Variants in FRMD4A observed in about 807,000 individuals in gnomAD.
FRMD4A encodes the protein FERM domain-containing protein 4A.
FRMD4A carries 29 observed loss-of-function variants against 129.1 expected under a neutral mutation model. The observed-to-expected ratio is 0.22, with a 90% CI of 0.17 to 0.31. The LOEUF (loss-of-function observed/expected upper bound fraction) is 0.31. Among genes scored for constraint, FRMD4A ranks in the 10% least tolerant of loss-of-function variants. The pLI is 1.00. For missense variants in FRMD4A, 1,272 were observed against 1,375.8 expected (o/e 0.92, Z 1.19); for synonymous variants, 634 against 571.6 (o/e 1.11, Z -1.56).
intron 2 of FRMD4A, among the ~76,000 whole-genome samples, chr10:13,967,055 G>A (rs796490598): frequency 9.2e-5 from 14 of 152,280 alleles, no homozygotes; most frequent in African/African-American, 2.9e-4. Flanking sequence ...ATGACACAAC[G>A]GGCCGGGCGC....
chr10:13,928,583 T>C (rs907374414), intron 2 of FRMD4A, among the ~76,000 whole-genome samples: 3 of 152,204 alleles, frequency 2.0e-5, no homozygotes, highest in Non-Finnish European at 4.4e-5. Flanking sequence ...CTGCTCTGTT[T>C]CATTTCTTTT....
At chr10:14,024,913 A>T (rs1832918842) in intron 2 of FRMD4A, among the ~76,000 whole-genome samples, 2 of 152,234 alleles carry the variant, frequency 1.3e-5, no homozygotes, top group Admixed American at 1.3e-4. Context: ...GGCTAAACAC[A>T]CTGGAGTGTA....
chr10:13,850,205 T>C (rs558537739), intron 3 of FRMD4A, among the ~76,000 whole-genome samples: 75 of 151,468 alleles, frequency 5.0e-4, no homozygotes, highest in Non-Finnish European at 8.1e-4. Flanking sequence ...TGAGGCTCCA[T>C]CTCAAAAAAA....
intron 24 of FRMD4A, chr10:13,647,444 C>A (rs2081196682): frequency 6.6e-6 from 1 of 152,166 alleles, no homozygotes. Flanking sequence ...AAGCCAGAAC[C>A]TCTGGGCTTT....
chr10:13,959,912 C>T (rs924352844), intron 2 of FRMD4A, among the ~76,000 whole-genome samples: 6 of 152,182 alleles, frequency 3.9e-5, no homozygotes, highest in African/African-American at 9.7e-5. Flanking sequence ...GAACACGAAC[C>T]GCAGGTTATT....
At chr10:13,843,011 T>G (rs2130982096) in intron 3 of FRMD4A, among the ~76,000 whole-genome samples, 1 of 152,226 alleles carries the variant, frequency 6.6e-6, no homozygotes, top group African/African-American at 2.4e-5. Flanking sequence ...AATTTTCTGG[T>G]CTCTGAAATC....
chr10:14,064,058 AT>A (rs1241232289), intron 2 of FRMD4A, among the ~76,000 whole-genome samples: 1 of 152,196 alleles, frequency 6.6e-6, no homozygotes. Flanking sequence ...AAGGGTAAAG[AT>A]TTTGCAATCA....
chr10:14,130,579 T>C (rs1311606863), intron 2 of FRMD4A, among the ~76,000 whole-genome samples: 1 of 152,160 alleles, frequency 6.6e-6, no homozygotes, highest in Non-Finnish European at 1.5e-5. Context: ...GTTTCTTCTT[T>C]AGGATTTGTT....
intron 2 of FRMD4A, among the ~76,000 whole-genome samples, chr10:13,862,601 C>T (rs1039740917): frequency 1.3e-5 from 2 of 152,218 alleles, no homozygotes; most frequent in Non-Finnish European, 2.9e-5. Flanking sequence ...TATTTTAATG[C>T]CTCCCTGTAG....
chr10:14,195,527 G>T (rs1035368100), intron 2 of FRMD4A, among the ~76,000 whole-genome samples: 1 of 151,880 alleles, frequency 6.6e-6, no homozygotes, highest in Non-Finnish European at 1.5e-5. Flanking sequence ...TTTCCCTAAG[G>T]TTCCCATACT....
chr10:14,053,545 T>C (rs1244818710), intron 2 of FRMD4A, among the ~76,000 whole-genome samples: 2 of 152,200 alleles, frequency 1.3e-5, no homozygotes, highest in African/African-American at 2.4e-5. Flanking sequence ...ACCTTGCCCA[T>C]TTTCCCTTGC....
In FRMD4A at chr10:13,645,401, A is replaced by G. The variant is rs920437205; in HGVS notation, c.*1637T>C. 5 of 146,554 alleles carry G rather than the reference A, an allele frequency of 3.4e-5. No individual in the cohort carries two copies. The highest frequency in any genetic ancestry group is 1.3e-4 in the African/African-American group (5 of 39,044). 9.1% of individuals were successfully genotyped at this position (146,554 alleles called of 1,614,324 possible). ...ACCACTTGCGCCAAAAGCACAGCAT[A>G]CCACCTCTGCGGAAACCTTTTTGTG... On this transcript the variant is annotated 3_prime_UTR_variant, in exon 25 of 25. Coordinates refer to ENST00000357447, the MANE Select transcript of FRMD4A (RefSeq NM_018027.5).
chr10:13,980,108 A>G (rs1057386702), intron 2 of FRMD4A, among the ~76,000 whole-genome samples: 2 of 152,206 alleles, frequency 1.3e-5, no homozygotes, highest in Admixed American at 6.5e-5. Context: ...ATTTTGGCAA[A>G]CTAATGACTT....
chr10:14,009,561 G>A (rs568555094), intron 2 of FRMD4A, among the ~76,000 whole-genome samples: 3 of 152,262 alleles, frequency 2.0e-5, no homozygotes, highest in East Asian at 3.9e-4. Context: ...ATGGGGGTGG[G>A]GTGCGAAGGA....
At position 13,986,165 on chromosome 10, in the gene FRMD4A, G is replaced by T. The variant is rs185960467; in HGVS notation, c.46-127253C>A. Among the ~76,000 whole-genome samples, 112 of 152,270 alleles carry T rather than the reference G, an allele frequency of 7.4e-4. 1 individual carries two copies. Among genetic ancestry groups the T allele is most frequent in the African/African-American group, 2.6e-3 (107 of 41,546 alleles). On this transcript the variant is annotated intron_variant, in intron 2 of 24. Coordinates refer to ENST00000357447, the MANE Select transcript of FRMD4A (RefSeq NM_018027.5). ...TGGTCCCAGGGTGTCAGCCCTGGCT[G>T]CCCATGGGGGTCCCCTGGGAAGTTT...
intron 2 of FRMD4A, among the ~76,000 whole-genome samples, chr10:14,225,343 G>A (rs552120053): frequency 6.6e-6 from 1 of 152,282 alleles, no homozygotes; most frequent in African/African-American, 2.4e-5. Flanking sequence ...ACACCTAATG[G>A]ATTAAAGCAG....
rs187662785 is a variant in FRMD4A, at chr10:14,018,411, G to A, written c.46-159499C>T. On this transcript the variant is annotated intron_variant, in intron 2 of 24. Coordinates refer to ENST00000357447, the MANE Select transcript of FRMD4A (RefSeq NM_018027.5). ...GCAGAGGTTGCAGTGAGCCGAGGTC[G>A]TGCCACTGCACTCCAGCCTGGGCGA... Among the ~76,000 whole-genome samples the A allele has an allele frequency of 4.6e-3, 627 of 136,418 alleles. 2 individuals carry two copies. The highest frequency in any genetic ancestry group is 7.0e-3 in the Non-Finnish European group (463 of 65,962). The allele number at this position is 136,418 out of a possible 152,430, so 89.5% of individuals were successfully genotyped here.
intron 4 of FRMD4A, 80 bp from the exon 5 acceptor site, chr10:13,796,668 G>C: frequency 2.7e-6 from 2 of 743,986 alleles, no homozygotes; most frequent in Middle Eastern, 2.4e-4. Flanking sequence ...ATATGAAGCA[G>C]AACGTGCTGG....
At chr10:14,230,992 C>A in intron 2 of FRMD4A, among the ~76,000 whole-genome samples, 1 of 152,132 alleles carries the variant, frequency 6.6e-6, no homozygotes, top group East Asian at 1.9e-4. Flanking sequence ...ACATAGTATT[C>A]CATGGTGTAT....
Sources: gnomAD v4.1 joint callset for allele counts (sites outside exome capture counted in the v4.1 genomes callset) on GRCh38, gnomAD v4.1.1 for gene constraint, MANE v1.5 for transcripts, NCBI Gene and HGNC (gene_info 2026-07-23, HGNC 2026-07-21) for gene names.